RFX3: variants seen among roughly 807,000 people sequenced by gnomAD.
RFX3 encodes the protein transcription factor RFX3.
A neutral mutation model predicts 98.6 loss-of-function variants in RFX3; 14 were observed. The observed-to-expected ratio is 0.14, with a 90% confidence interval of 0.09 to 0.22. The LOEUF (loss-of-function observed/expected upper bound fraction) is 0.22. Among genes scored for constraint, RFX3 ranks in the 10% least tolerant of loss-of-function variants. The probability of loss-of-function intolerance (pLI) is 1.00; values close to 1 mark genes in which losing one functional copy is unlikely to be tolerated. For synonymous variants in RFX3, 383 were observed against 328.4 expected (o/e 1.17, Z -1.80); for missense variants, 639 against 926.9 (o/e 0.69, Z 4.03).
Position 3,220,288 on chromosome 9 carries a change from T to C in RFX3, c.*4754A>G, listed in dbSNP as rs1817270426. 6.6e-6 allele frequency: 1 copy of C among 152,072 alleles called. No individual in the cohort carries two copies. The highest frequency in any genetic ancestry group is 1.5e-5 in the Non-Finnish European group (1 of 68,018). The allele number at this position is 152,072 out of a possible 1,614,324, so 9.4% of individuals were successfully genotyped here. A position where few individuals can be genotyped will look rare whatever the true frequency, so the allele number is the denominator to read the frequency against. On this transcript the variant is annotated 3_prime_UTR_variant, in exon 17 of 17. Coordinates refer to ENST00000617270, the MANE Select transcript of RFX3 (RefSeq NM_001282116.2). ...TTTCTTCCTAAGGCTTTACTTACAC[T>C]TGTACTTTCTAAAGCTAAATAAATG... is the stretch of plus-strand genomic sequence containing the variant.
intron 2 of RFX3, among the ~76,000 whole-genome samples, chr9:3,367,213 G>T (rs1587348428): frequency 6.6e-6 from 1 of 152,162 alleles, no homozygotes; most frequent in African/African-American, 2.4e-5. Flanking sequence ...TTCTCTGGCT[G>T]GTGGCAGCAG....
At chr9:3,389,097 T>C (rs1840021367) in intron 2 of RFX3, among the ~76,000 whole-genome samples, 1 of 152,052 alleles carries the variant, frequency 6.6e-6, no homozygotes, top group South Asian at 2.1e-4. Context: ...GAGCCCAAGA[T>C]TATAATAAAG....
intron 1 of RFX3, among the ~76,000 whole-genome samples, chr9:3,473,453 G>C (rs533912070): frequency 1.3e-5 from 2 of 152,202 alleles, no homozygotes; most frequent in South Asian, 2.1e-4. Context: ...TAAAACATGC[G>C]TACTGAATTA....
chr9:3,435,771 A>G (rs1845067291), intron 1 of RFX3, among the ~76,000 whole-genome samples: 1 of 146,668 alleles, frequency 6.8e-6, no homozygotes, highest in Admixed American at 7.0e-5. Flanking sequence ...ATTTCTTTTG[A>G]TATCCTTATA....
chr9:3,481,672 T>A (rs142466193), intron 1 of RFX3, among the ~76,000 whole-genome samples: 1 of 151,884 alleles, frequency 6.6e-6, no homozygotes, highest in Admixed American at 6.6e-5. Context: ...AATTTCCATA[T>A]CCTATAATAT....
chr9:3,504,655 C>CT (rs1816560134), intron 1 of RFX3, among the ~76,000 whole-genome samples: 2 of 8,726 alleles, frequency 2.3e-4, no homozygotes, highest in African/African-American at 8.0e-4. Flanking sequence ...TAGTATATGC[C>CT]ATATGGTATA....
rs188839480 is a variant in RFX3, at chr9:3,264,372, G to A, written c.1456-1288C>T. On this transcript the variant is annotated intron_variant, in intron 12 of 16. Coordinates refer to ENST00000617270, the MANE Select transcript of RFX3 (RefSeq NM_001282116.2). ...CACTATATGGGTATATAAGGTACGA[G>A]CAGTTGAATGATCAATTGGGAGCGG... is the stretch of plus-strand genomic sequence containing the variant. Among the ~76,000 whole-genome samples the A allele has an allele frequency of 1.8e-3, 281 of 152,266 alleles. 2 individuals are homozygous for A. The highest frequency in any genetic ancestry group is 6.5e-3 in the African/African-American group (270 of 41,562).
Position 3,330,468 on chromosome 9 carries a change from T to G in RFX3, c.265A>C (p.Thr89Pro). 6.2e-7 allele frequency: 1 copy of G among 1,614,090 alleles called. No homozygotes were observed. The highest frequency in any genetic ancestry group is 8.5e-7 in the Non-Finnish European group (1 of 1,179,980). Residue 89 changes from threonine to proline, a missense_variant, in exon 4 of 17, where the codon ACT becomes CCT. Thr to Pro is a conservative substitution (Grantham distance 38, BLOSUM62 -1). This residue lies in a region of RFX3 where 210 missense variants were observed against 197.7 expected (regional missense o/e 1.06). Coordinates refer to ENST00000617270, the MANE Select transcript of RFX3 (RefSeq NM_001282116.2). ...TGAGTATCAAAGTAATTCCCTCCAGTATTTTGGCTGTACATCTGTGTCTCT... is the reference window on the plus strand; with the variant it reads ...TGAGTATCAAAGTAATTCCCTCCAGGATTTTGGCTGTACATCTGTGTCTCT... ...YTETQMYSQNTGGNYFDTQGS... is the reference protein window; with the variant it reads ...YTETQMYSQNPGGNYFDTQGS...
intron 15 of RFX3, among the ~76,000 whole-genome samples, chr9:3,245,359 A>T (rs537685889): frequency 1.5e-4 from 23 of 152,342 alleles, no homozygotes; most frequent in Admixed American, 8.5e-4. Context: ...AGAAAAGGCC[A>T]CTGTGATTGC....
intron 15 of RFX3, among the ~76,000 whole-genome samples, chr9:3,245,530 T>G (rs1820545779): frequency 2.0e-5 from 3 of 152,140 alleles, no homozygotes; most frequent in African/African-American, 7.2e-5. Flanking sequence ...CTGACTGCAC[T>G]CTGAGGGATT....
intron 2 of RFX3, among the ~76,000 whole-genome samples, chr9:3,354,067 GA>G (rs2131287841): frequency 1.3e-5 from 2 of 152,028 alleles, no homozygotes; most frequent in South Asian, 4.2e-4. Flanking sequence ...ACAATACAAT[GA>G]AAATGTATAC....
At chr9:3,313,008 A>G (rs1455378841) in intron 4 of RFX3, among the ~76,000 whole-genome samples, 1 of 152,232 alleles carries the variant, frequency 6.6e-6, no homozygotes, top group African/African-American at 2.4e-5. Flanking sequence ...ACAGCTTTGA[A>G]GAGAGTAGTG....
intron 1 of RFX3, among the ~76,000 whole-genome samples, chr9:3,483,095 A>C (rs2133384249): frequency 6.6e-6 from 1 of 152,280 alleles, no homozygotes; most frequent in Non-Finnish European, 1.5e-5. Flanking sequence ...AAATACTTAA[A>C]ATCAATTATT....
chr9:3,270,757 A>C (rs1271580508), intron 10 of RFX3: 13 of 666,762 alleles, frequency 1.9e-5, no homozygotes, highest in Non-Finnish European at 3.3e-5. Flanking sequence ...AAAGGCAGAT[A>C]TGATAGTAAT....
At chr9:3,366,693 C>CCTTTCTTTCTTTTTTT (rs1837142736) in intron 2 of RFX3, among the ~76,000 whole-genome samples, 52 of 85,494 alleles carry the variant, frequency 6.1e-4, no homozygotes, top group African/African-American at 2.6e-3. Flanking sequence ...TTCTTTCTTT[C>CCTTTCTTTCTTTTTTT]CTTTCTTTCT....
At chr9:3,325,003 A>T (rs979588462) in intron 4 of RFX3, among the ~76,000 whole-genome samples, 5 of 152,044 alleles carry the variant, frequency 3.3e-5, no homozygotes, top group African/African-American at 1.2e-4. Context: ...AATAAGAGAG[A>T]ACTTGGTAAT....
At chr9:3,426,670 A>C (rs1346703528) in intron 1 of RFX3, among the ~76,000 whole-genome samples, 2 of 152,160 alleles carry the variant, frequency 1.3e-5, no homozygotes, top group Non-Finnish European at 2.9e-5. Flanking sequence ...CCTGTTGTGA[A>C]CTGCCCATGC....
intron 2 of RFX3, among the ~76,000 whole-genome samples, chr9:3,357,579 G>T (rs1214262278): frequency 6.6e-6 from 1 of 151,862 alleles, no homozygotes; most frequent in Non-Finnish European, 1.5e-5. Flanking sequence ...AAATTTCACC[G>T]GAGGCTGGGA....
intron 1 of RFX3, among the ~76,000 whole-genome samples, chr9:3,417,288 T>C (rs1030236960): frequency 6.6e-6 from 1 of 152,018 alleles, no homozygotes; most frequent in Admixed American, 6.6e-5. Context: ...ATATAACAAG[T>C]AGTAAAGATA....
Sources: allele counts gnomAD v4.1 joint callset (sites outside exome capture counted in the v4.1 genomes callset), GRCh38; gene constraint gnomAD v4.1.1; regional missense constraint gnomAD v4.1.1; transcripts MANE v1.5; gene names NCBI Gene and HGNC (gene_info 2026-07-23, HGNC 2026-07-21).